The following MARCHF1 variants were observed in gnomAD, a reference collection of about 807,000 sequenced individuals.
The protein encoded by MARCHF1 is E3 ubiquitin-protein ligase MARCHF1.
MARCHF1 carries 40 observed loss-of-function variants against 54.2 expected under a neutral mutation model. The ratio of observed to expected loss-of-function variants is 0.74; its 90% CI spans 0.57 to 0.96. The LOEUF (loss-of-function observed/expected upper bound fraction) is 0.96. Ranked by LOEUF, MARCHF1 falls within the 40% of genes least tolerant of loss-of-function variation. MARCHF1 has a pLI of 0.00. For synonymous variants in MARCHF1, 236 were observed against 236.3 expected (o/e 1.00, Z 0.01); for missense variants, 586 against 656.5 (o/e 0.89, Z 1.17).
At chr4:163,572,684 GT>G (rs1277384661) in intron 8 of MARCHF1, among the ~76,000 whole-genome samples, 1 of 152,132 alleles carries the variant, frequency 6.6e-6, no homozygotes, top group Admixed American at 6.6e-5. Context: ...TAGAAGCACT[GT>G]TGTGTTATAG....
intron 4 of MARCHF1, among the ~76,000 whole-genome samples, chr4:163,801,346 G>C (rs1277763504): frequency 6.6e-6 from 1 of 151,314 alleles, no homozygotes; most frequent in Non-Finnish European, 1.5e-5. Flanking sequence ...CAAATGCCAA[G>C]AACAGAATGT....
Position 163,929,112 on chromosome 4 carries a change from T to C in MARCHF1, c.-39+59389A>G, listed in dbSNP as rs377074571. On this transcript the variant is annotated intron_variant, in intron 3 of 9. Coordinates refer to ENST00000514618, the MANE Select transcript of MARCHF1 (RefSeq NM_001394959.1). ...TTAATAGAGCTTAAGTAGGATACTT[T>C]CTCTCATCAAACTTTCATTGTAACT... 2.6e-5 allele frequency among the ~76,000 whole-genome samples: 4 copies of C among 152,024 alleles called. No individual in the cohort carries two copies. The South Asian group carries it at 6.2e-4, about 24-fold the overall frequency.
At chr4:163,989,297 G>A (rs1340920478) in intron 2 of MARCHF1, among the ~76,000 whole-genome samples, 1 of 152,006 alleles carries the variant, frequency 6.6e-6, no homozygotes, top group Non-Finnish European at 1.5e-5. Context: ...GAGAGAGAGA[G>A]AGAGAGAGAG....
At chr4:163,722,056 T>G (rs1037889921) in intron 4 of MARCHF1, among the ~76,000 whole-genome samples, 1 of 152,172 alleles carries the variant, frequency 6.6e-6, no homozygotes, top group Non-Finnish European at 1.5e-5. Flanking sequence ...CTTAGTTATT[T>G]CTTGCCTTCT....
chr4:164,328,291 CAA>C (rs1735334935), intron 1 of MARCHF1, among the ~76,000 whole-genome samples: 1 of 152,140 alleles, frequency 6.6e-6, no homozygotes, highest in East Asian at 1.9e-4. Context: ...ACACAAACAG[CAA>C]AGAGTAATCT....
chr4:164,197,837 A>G, intron 1 of MARCHF1: 6 of 1,444,204 alleles, frequency 4.2e-6, no homozygotes, highest in East Asian at 2.5e-5. Flanking sequence ...TCGAGCCCCA[A>G]TATTTACAAA....
intron 5 of MARCHF1, among the ~76,000 whole-genome samples, chr4:163,685,465 A>T (rs1744237932): frequency 1.3e-5 from 2 of 151,902 alleles, no homozygotes; most frequent in Non-Finnish European, 2.9e-5. Context: ...TTTTATTTTT[A>T]TTGTCTTAGA....
chr4:163,915,272 T>C (rs1326101923), intron 3 of MARCHF1, among the ~76,000 whole-genome samples: 1 of 152,068 alleles, frequency 6.6e-6, no homozygotes, highest in East Asian at 1.9e-4. Context: ...TATGATATGA[T>C]AAAAATGGCA....
rs1289698248 is a variant in MARCHF1 at position 163,527,983 on chromosome 4, G to GTGTT, written c.*761_*764dup. On this transcript the variant is annotated 3_prime_UTR_variant, in exon 10 of 10. Transcript: ENST00000514618. ...TCTGTGGCCTGCATTTGTGGCTGTTGTGTTTCTATTGGACAGCACTGTATT... is the reference window on the plus strand; with the variant it reads ...TCTGTGGCCTGCATTTGTGGCTGTTGTGTTTGTTTCTATTGGACAGCACTGTATT... The GTGTT allele has an allele frequency of 6.6e-6, 1 of 152,492 alleles. No individual in the cohort carries two copies. The allele number at this position is 152,492 out of a possible 1,614,324, so 9.4% of individuals were successfully genotyped here.
chr4:163,643,210 C>G (rs1742623066), intron 5 of MARCHF1, among the ~76,000 whole-genome samples: 1 of 151,280 alleles, frequency 6.6e-6, no homozygotes, highest in African/African-American at 2.4e-5. Flanking sequence ...CGTCTGTAAT[C>G]CCAGCTACTC....
Position 163,626,972 on chromosome 4 carries a change from G to C in MARCHF1, c.163-13579C>G, listed in dbSNP as rs574379091. Among the ~76,000 whole-genome samples, 46 of 152,124 alleles carry C rather than the reference G, an allele frequency of 3.0e-4. 1 individual carries two copies. The highest frequency in any genetic ancestry group is 1.5e-4 in the Non-Finnish European group (10 of 68,006). On this transcript the variant is annotated intron_variant, in intron 5 of 9. Transcript: ENST00000514618. ...ACCTAGTTCTAGGGAACAGAAATAG[G>C]CCAAAAATGATCTGAAAGAGTCTTT...
At chr4:163,821,961 G>A (rs1299465185) in intron 4 of MARCHF1, among the ~76,000 whole-genome samples, 1 of 151,920 alleles carries the variant, frequency 6.6e-6, no homozygotes, top group Non-Finnish European at 1.5e-5. Context: ...ACCACTGGAA[G>A]CAGATATAAA....
intron 4 of MARCHF1, among the ~76,000 whole-genome samples, chr4:163,785,433 AGAT>A (rs1747591205): frequency 6.6e-6 from 1 of 152,064 alleles, no homozygotes; most frequent in African/African-American, 2.4e-5. Context: ...TTCCTAATAT[AGAT>A]GTTGTTGAAT....
intron 4 of MARCHF1, among the ~76,000 whole-genome samples, chr4:163,723,140 C>T (rs2111298009): frequency 6.6e-6 from 1 of 152,320 alleles, no homozygotes; most frequent in African/African-American, 2.4e-5. Context: ...TACAGTTTGG[C>T]ATGGTTTTGC....
intron 7 of MARCHF1, among the ~76,000 whole-genome samples, chr4:163,588,918 T>A (rs2110837369): frequency 6.6e-6 from 1 of 152,186 alleles, no homozygotes; most frequent in African/African-American, 2.4e-5. Context: ...TTGACAATAA[T>A]AAAAACAAAT....
chr4:163,627,332 G>A (rs776810580), intron 5 of MARCHF1, among the ~76,000 whole-genome samples: 69 of 152,124 alleles, frequency 4.5e-4, no homozygotes, highest in Non-Finnish European at 2.1e-4. Context: ...ACTGCTCCTA[G>A]TTTGATCTCC....
At chr4:163,583,765 T>C (rs1406118310) in intron 8 of MARCHF1, 1 of 150,264 alleles carries the variant, frequency 6.7e-6, no homozygotes, top group Non-Finnish European at 1.5e-5. Flanking sequence ...TCCTCCTTCC[T>C]CAGCCTCTTG....
intron 3 of MARCHF1, among the ~76,000 whole-genome samples, chr4:163,916,635 C>T (rs76217126): frequency 0.041 from 6,172 of 152,150 alleles, 287 homozygotes; most frequent in Admixed American, 0.15. Context: ...CATTATCAGA[C>T]AAACAGTGCC....
intron 3 of MARCHF1, among the ~76,000 whole-genome samples, chr4:163,958,200 A>G (rs1215884069): frequency 6.6e-6 from 1 of 151,812 alleles, no homozygotes; most frequent in Admixed American, 6.6e-5. Flanking sequence ...TGACCTCTTT[A>G]AAACAGCAAA....
Sources: gnomAD v4.1 joint callset for allele counts (sites outside exome capture counted in the v4.1 genomes callset) on GRCh38, gnomAD v4.1.1 for gene constraint, MANE v1.5 for transcripts, NCBI Gene and HGNC (gene_info 2026-07-23, HGNC 2026-07-21) for gene names.